DENND5A: variants seen among roughly 807,000 people sequenced by gnomAD.
The protein encoded by DENND5A is DENN domain-containing protein 5A.
A neutral mutation model predicts 140.3 loss-of-function variants in DENND5A; 64 were observed. The ratio of observed to expected loss-of-function variants is 0.46; its 90% CI spans 0.37 to 0.56. The LOEUF (loss-of-function observed/expected upper bound fraction) is 0.56. DENND5A is among the 20% of genes least tolerant of loss of function. DENND5A has a pLI of 0.00. For missense variants in DENND5A, 1,292 were observed against 1,593.8 expected (o/e 0.81, Z 3.22); for synonymous variants, 605 against 607.7 (o/e 1.00, Z 0.07).
At position 9,165,895 on chromosome 11, in the gene DENND5A, C is replaced by A; in HGVS notation, c.2224G>T (p.Val742Leu). ...AACTTCCAATTGGTCTGGGCAATCA[C>A]TGATGGAGAGAGGTTGGACAGTTTG... ...QPKLSNLSPSVIAQTNWKFVE... is the reference protein window; with the variant it reads ...QPKLSNLSPSLIAQTNWKFVE... The change falls in exon 11 of 23, where the codon GTG (valine) becomes TTG (leucine). Residue 742 changes from valine (V) to leucine (L), a missense_variant. This residue lies in a region of DENND5A where 498 missense variants were observed against 689.7 expected (regional missense o/e 0.72). Coordinates refer to ENST00000328194, the MANE Select transcript of DENND5A (RefSeq NM_015213.4). 7 of 1,614,116 alleles carry A rather than the reference C, an allele frequency of 4.3e-6. No individual in the cohort carries two copies. Among genetic ancestry groups the A allele is most frequent in the Non-Finnish European group, 5.1e-6 (6 of 1,179,998 alleles).
chr11:9,185,303 AT>A lies in DENND5A; in HGVS notation c.1138-4220del, dbSNP rs74441654. On this transcript the variant is annotated intron_variant, in intron 5 of 22. Coordinates refer to ENST00000328194, the MANE Select transcript of DENND5A (RefSeq NM_015213.4). ...CCAGAAGTCAGAAAGGTATTTATTA[AT>A]TTTTTTTTCCACAAGATTTAAACTT... is the stretch of plus-strand genomic sequence containing the variant. Among the ~76,000 whole-genome samples the A allele has an allele frequency of 5.5e-3, 836 of 151,870 alleles. 4 individuals are homozygous for A. Among genetic ancestry groups the A allele is most frequent in the East Asian group, 0.027 (140 of 5,182 alleles).
At chr11:9,195,054 T>C (rs1405927650) in intron 4 of DENND5A, among the ~76,000 whole-genome samples, 1 of 144,970 alleles carries the variant, frequency 6.9e-6, no homozygotes, top group African/African-American at 2.6e-5. Flanking sequence ...AATAAATATA[T>C]TGGTACAGCC....
chr11:9,164,562 C>A (rs1229651199), intron 11 of DENND5A, among the ~76,000 whole-genome samples: 1 of 152,006 alleles, frequency 6.6e-6, no homozygotes, highest in Non-Finnish European at 1.5e-5. Context: ...TTGAAAGATT[C>A]TTTTTATTAG....
At chr11:9,217,302 T>C (rs1376713040) in intron 1 of DENND5A, among the ~76,000 whole-genome samples, 2 of 151,968 alleles carry the variant, frequency 1.3e-5, no homozygotes, top group African/African-American at 4.8e-5. Flanking sequence ...TCACCTGAGG[T>C]CAGGAGTTTG....
chr11:9,233,916 G>A (rs1850884186), intron 1 of DENND5A, among the ~76,000 whole-genome samples: 1 of 152,146 alleles, frequency 6.6e-6, no homozygotes, highest in Admixed American at 6.6e-5. Context: ...AGTGGCTCAG[G>A]CCTGTAATCC....
At chr11:9,194,330 C>T (rs1406492204) in intron 4 of DENND5A, among the ~76,000 whole-genome samples, 2 of 152,060 alleles carry the variant, frequency 1.3e-5, no homozygotes, top group Admixed American at 6.6e-5. Context: ...TTTGGGAGGC[C>T]GAGGCAGGTG....
At chr11:9,167,929 C>T (rs1192740454) in intron 10 of DENND5A, among the ~76,000 whole-genome samples, 1 of 152,176 alleles carries the variant, frequency 6.6e-6, no homozygotes, top group African/African-American at 2.4e-5. Flanking sequence ...TTTCTCTAAT[C>T]AGTAATCAAA....
At chr11:9,223,939 C>T (rs1288295963) in intron 1 of DENND5A, among the ~76,000 whole-genome samples, 1 of 152,028 alleles carries the variant, frequency 6.6e-6, no homozygotes, top group Non-Finnish European at 1.5e-5. Context: ...TGCCTGTAAT[C>T]CCAGCACTTT....
intron 6 of DENND5A, among the ~76,000 whole-genome samples, chr11:9,180,215 A>T (rs1564899786): frequency 6.6e-6 from 1 of 152,024 alleles, no homozygotes; most frequent in South Asian, 2.1e-4. Context: ...CCACTTTGGG[A>T]GGCAAGGCTG....
rs186391479 is a variant in DENND5A at position 9,231,443 on chromosome 11, C to T, written c.110-23811G>A. Among the ~76,000 whole-genome samples, 320 of 151,782 alleles carry T rather than the reference C, an allele frequency of 2.1e-3. 2 individuals carry two copies. Among genetic ancestry groups the T allele is most frequent in the Middle Eastern group, 0.017 (5 of 288 alleles). On this transcript the variant is annotated intron_variant, in intron 1 of 22. Transcript: ENST00000328194. ...AAGACTCTGGGAGCCAGGCTGGGCGCGGTGGCTCACGCCTGTAATCCCAGC... is the reference window on the plus strand; with the variant it reads ...AAGACTCTGGGAGCCAGGCTGGGCGTGGTGGCTCACGCCTGTAATCCCAGC...
At chr11:9,249,878 T>C (rs1246655580) in intron 1 of DENND5A, among the ~76,000 whole-genome samples, 1 of 151,880 alleles carries the variant, frequency 6.6e-6, no homozygotes, top group African/African-American at 2.4e-5. Flanking sequence ...GTAGAGACAG[T>C]GTTGCACTAC....
At chr11:9,244,585 T>C (rs1851383929) in intron 1 of DENND5A, among the ~76,000 whole-genome samples, 2 of 152,118 alleles carry the variant, frequency 1.3e-5, no homozygotes, top group African/African-American at 4.8e-5. Flanking sequence ...GTCAGGCTGG[T>C]CTTGAACTCC....
At chr11:9,253,883 C>T (rs959371059) in intron 1 of DENND5A, among the ~76,000 whole-genome samples, 7 of 150,326 alleles carry the variant, frequency 4.7e-5, no homozygotes, top group Admixed American at 4.0e-4. Context: ...CAACAATGGG[C>T]GCAGTGGCTC....
At chr11:9,218,506 A>C (rs543919544) in intron 1 of DENND5A, among the ~76,000 whole-genome samples, 3 of 152,200 alleles carry the variant, frequency 2.0e-5, no homozygotes, top group African/African-American at 7.2e-5. Flanking sequence ...GGAGTGGATC[A>C]CTTAAGCCCA....
Position 9,249,582 on chromosome 11 carries a change from C to T in DENND5A, c.109+15379G>A, listed in dbSNP as rs142812142. On this transcript the variant is annotated intron_variant, in intron 1 of 22. Coordinates refer to ENST00000328194, the MANE Select transcript of DENND5A (RefSeq NM_015213.4). The stretch of plus-strand genomic sequence containing the variant: ...TATTTTTTTGAGACAGAGTTTCGCT[C>T]TTGTTGCCCAAACTGGAGTGCAATG... 3.0e-3 allele frequency among the ~76,000 whole-genome samples: 449 copies of T among 152,094 alleles called. 12 individuals are homozygous for T. The East Asian group carries it at 0.057, about 19-fold the overall frequency.
intron 1 of DENND5A, among the ~76,000 whole-genome samples, chr11:9,226,201 T>C (rs1233134304): frequency 6.6e-6 from 1 of 152,256 alleles, no homozygotes; most frequent in Non-Finnish European, 1.5e-5. Context: ...GAACATGTCA[T>C]GCTGTTACCT....
chr11:9,189,541 C>G (rs1395376551), intron 5 of DENND5A, among the ~76,000 whole-genome samples: 3 of 152,024 alleles, frequency 2.0e-5, no homozygotes, highest in Non-Finnish European at 1.5e-5. Context: ...AGGAGGGAGG[C>G]TGTACCCTGC....
At position 9,161,890 on chromosome 11, in the gene DENND5A, C is replaced by T. The variant is rs543988745; in HGVS notation, c.2284-1025G>A. Among the ~76,000 whole-genome samples, 73 of 151,568 alleles carry T rather than the reference C, an allele frequency of 4.8e-4. 1 individual carries two copies. Among genetic ancestry groups the T allele is most frequent in the African/African-American group, 1.7e-3 (71 of 41,354 alleles). ...AGTATAGTTTAATTCTCTTAAGTAA[C>T]TTGCCCAAAATCTATACGTAATATA... On this transcript the variant is annotated intron_variant, in intron 11 of 22. Coordinates refer to ENST00000328194, the MANE Select transcript of DENND5A (RefSeq NM_015213.4).
At chr11:9,224,172 G>A (rs940793803) in intron 1 of DENND5A, among the ~76,000 whole-genome samples, 9 of 152,042 alleles carry the variant, frequency 5.9e-5, no homozygotes, top group African/African-American at 1.4e-4. Context: ...CAGCCTGGGC[G>A]ACAGAGCAAG....
Sources: allele counts gnomAD v4.1 joint callset (sites outside exome capture counted in the v4.1 genomes callset), GRCh38; gene constraint gnomAD v4.1.1; regional missense constraint gnomAD v4.1.1; transcripts MANE v1.5; gene names NCBI Gene and HGNC (gene_info 2026-07-23, HGNC 2026-07-21).